The following ZNF804B variants were observed in gnomAD, a reference collection of about 807,000 sequenced individuals.
ZNF804B encodes zinc finger protein 804B.
A neutral mutation model predicts 101.4 loss-of-function variants in ZNF804B; 80 were observed. The observed-to-expected ratio is 0.79, with a 90% CI of 0.66 to 0.95. ZNF804B has a LOEUF of 0.95. Ranked by LOEUF, ZNF804B falls within the 40% of genes least tolerant of loss-of-function variation. The probability of loss-of-function intolerance (pLI) is 0.00; values close to 1 mark genes in which losing one functional copy is unlikely to be tolerated. For missense variants in ZNF804B, 1,673 were observed against 1,561.9 expected (o/e 1.07, Z -1.20); for synonymous variants, 622 against 558.8 (o/e 1.11, Z -1.59).
At chr7:89,254,466 A>T (rs188553733) in intron 2 of ZNF804B, among the ~76,000 whole-genome samples, 1,477 of 147,500 alleles carry the variant, frequency 0.01, 26 homozygotes, top group African/African-American at 0.034. Context: ...TACCTAAATT[A>T]AAAAAAAAAC....
chr7:89,232,734 T>A (rs1337283778), intron 2 of ZNF804B, among the ~76,000 whole-genome samples: 1 of 152,140 alleles, frequency 6.6e-6, no homozygotes, highest in Admixed American at 6.5e-5. Context: ...ATTATTTGCT[T>A]TGGTGACGCC....
rs373374287 is a variant in ZNF804B, at chr7:88,934,846, C to A, written c.108+174762C>A. Among the ~76,000 whole-genome samples, 61 of 151,950 alleles carry A rather than the reference C, an allele frequency of 4.0e-4. No homozygotes were observed. In the South Asian group the frequency reaches 0.012, roughly 31 times the overall value. On this transcript the variant is annotated intron_variant, in intron 1 of 3. Coordinates refer to ENST00000333190, the MANE Select transcript of ZNF804B (RefSeq NM_181646.5). ...AATTCCTTAAAGACTAAACGTAGAA[C>A]TACCATTCAATCCAGCGATCCCACT... is the stretch of plus-strand genomic sequence containing the variant.
At position 88,940,768 on chromosome 7, in the gene ZNF804B, AAATAATAATAATAATAAT is replaced by A. The variant is rs71120045; in HGVS notation, c.108+180707_108+180724del. On this transcript the variant is annotated intron_variant, in intron 1 of 3. Coordinates refer to ENST00000333190, the MANE Select transcript of ZNF804B (RefSeq NM_181646.5). ...GGGCAACAAAGTGGGACCCTATTTA[AAATAATAATAATAATAAT>A]AATAATAATAATAATAATAATAGAA... Among the ~76,000 whole-genome samples the A allele has an allele frequency of 3.2e-4, 44 of 139,488 alleles. 1 individual carries two copies. Among genetic ancestry groups the A allele is most frequent in the African/African-American group, 9.4e-4 (36 of 38,220 alleles). The allele number at this position is 139,488 out of a possible 152,430, so 91.5% of individuals were successfully genotyped here. A position where few individuals can be genotyped will look rare whatever the true frequency, so the allele number is the denominator to read the frequency against.
chr7:89,038,287 T>C (rs1788959608), intron 1 of ZNF804B, among the ~76,000 whole-genome samples: 1 of 152,182 alleles, frequency 6.6e-6, no homozygotes, highest in Admixed American at 6.6e-5. Flanking sequence ...CTACCAACAG[T>C]GTACGAGAGT....
intron 1 of ZNF804B, among the ~76,000 whole-genome samples, chr7:88,867,496 A>C (rs900906754): frequency 6.6e-6 from 1 of 152,208 alleles, no homozygotes; most frequent in East Asian, 1.9e-4. Flanking sequence ...GTTCATCTGC[A>C]TGCTTCACTA....
At chr7:88,821,469 T>G (rs1790980157) in intron 1 of ZNF804B, among the ~76,000 whole-genome samples, 1 of 152,172 alleles carries the variant, frequency 6.6e-6, no homozygotes, top group Admixed American at 6.5e-5. Flanking sequence ...ACTTTAAATT[T>G]TAAAATGTAT....
At chr7:88,990,274 A>G (rs1316085859) in intron 1 of ZNF804B, among the ~76,000 whole-genome samples, 2 of 152,062 alleles carry the variant, frequency 1.3e-5, no homozygotes, top group African/African-American at 4.8e-5. Context: ...AATTTTAATT[A>G]CATAATTATT....
chr7:89,020,111 G>T (rs556508888), intron 1 of ZNF804B, among the ~76,000 whole-genome samples: 187 of 152,128 alleles, frequency 1.2e-3, no homozygotes, highest in African/African-American at 4.4e-3. Flanking sequence ...AATAAAGATA[G>T]AACCTTTCTC....
chr7:89,246,723 A>G (rs950069834), intron 2 of ZNF804B, among the ~76,000 whole-genome samples: 1 of 151,842 alleles, frequency 6.6e-6, no homozygotes, highest in African/African-American at 2.4e-5. Context: ...CTGAGCAACC[A>G]CTCACCTGGA....
At chr7:88,996,138 CATTA>C (rs1788192248) in intron 1 of ZNF804B, among the ~76,000 whole-genome samples, 1 of 151,934 alleles carries the variant, frequency 6.6e-6, no homozygotes, top group South Asian at 2.1e-4. Flanking sequence ...AATATTGATT[CATTA>C]ATTTCATTGC....
intron 1 of ZNF804B, among the ~76,000 whole-genome samples, chr7:89,043,573 G>T (rs536310876): frequency 1.6e-4 from 25 of 152,310 alleles, no homozygotes; most frequent in Middle Eastern, 3.4e-3. Flanking sequence ...AAATGTCATG[G>T]TTGATGCTCA....
chr7:88,961,051 A>G (rs918715412), intron 1 of ZNF804B, among the ~76,000 whole-genome samples: 1 of 151,446 alleles, frequency 6.6e-6, no homozygotes, highest in African/African-American at 2.4e-5. Context: ...TATATTTTAG[A>G]CATTAAAGAA....
Position 89,335,904 on chromosome 7 carries a change from A to G in ZNF804B, c.2922A>G (p.Arg974=), listed in dbSNP as rs1162489499. 1 of 1,614,144 alleles carries G rather than the reference A, an allele frequency of 6.2e-7. No individual in the cohort carries two copies. The highest frequency in any genetic ancestry group is 8.5e-7 in the Non-Finnish European group (1 of 1,179,998). ...AACTTGCACCATCAGGCTGTAACAG[A>G]CAAGCATTGCCTTTGTCTGAAAAAA... The part of the protein sequence containing the change: ...TIQLAPSGCN[R]QALPLSEKIQ... Residue 974 remains arginine (R), a synonymous_variant, in exon 4 of 4, where the codon AGA becomes AGG. Transcript: ENST00000333190.
intron 1 of ZNF804B, among the ~76,000 whole-genome samples, chr7:88,906,263 A>G (rs990900640): frequency 6.6e-6 from 1 of 151,676 alleles, no homozygotes; most frequent in African/African-American, 2.4e-5. Context: ...AATTTTGTTC[A>G]GTTATTCTCC....
intron 1 of ZNF804B, among the ~76,000 whole-genome samples, chr7:89,030,908 T>A (rs1009412825): frequency 1.3e-4 from 20 of 152,084 alleles, no homozygotes; most frequent in Admixed American, 5.2e-4. Context: ...CTTGGTGATG[T>A]TCCTTTGTAA....
At chr7:88,837,946 A>G (rs1474597050) in intron 1 of ZNF804B, among the ~76,000 whole-genome samples, 1 of 151,718 alleles carries the variant, frequency 6.6e-6, no homozygotes, top group East Asian at 1.9e-4. Context: ...TAAAAATATA[A>G]TACATGTATT....
chr7:89,256,226 G>A (rs911693974), intron 2 of ZNF804B, among the ~76,000 whole-genome samples: 1 of 152,038 alleles, frequency 6.6e-6, no homozygotes, highest in Non-Finnish European at 1.5e-5. Context: ...GTTTATAATA[G>A]TAAAAAATTG....
At position 89,076,094 on chromosome 7, in the gene ZNF804B, T is replaced by C. The variant is rs1331811527; in HGVS notation, c.109-142061T>C. On this transcript the variant is annotated intron_variant, in intron 1 of 3. Transcript: ENST00000333190. ...GGGCCTTGCCTTGTCTTTGATATGATGTTGGACTGTGGACTTTTGAGTTAA... is the reference window on the plus strand; with the variant it reads ...GGGCCTTGCCTTGTCTTTGATATGACGTTGGACTGTGGACTTTTGAGTTAA... Among the ~76,000 whole-genome samples, 23 of 152,218 alleles carry C rather than the reference T, an allele frequency of 1.5e-4. 1 individual carries two copies. The highest frequency in any genetic ancestry group is 1.5e-3 in the Admixed American group (23 of 15,282).
intron 1 of ZNF804B, among the ~76,000 whole-genome samples, chr7:88,972,972 G>A (rs867208174): frequency 2.6e-5 from 4 of 151,356 alleles, no homozygotes; most frequent in Non-Finnish European, 4.4e-5. Flanking sequence ...CTTATTTCAT[G>A]ATTTCTAAGA....
Sources: gnomAD v4.1 joint callset for allele counts (sites outside exome capture counted in the v4.1 genomes callset) on GRCh38, gnomAD v4.1.1 for gene constraint, MANE v1.5 for transcripts, NCBI Gene and HGNC (gene_info 2026-07-23, HGNC 2026-07-21) for gene names.